ZPLD1: variants seen among roughly 807,000 people sequenced by gnomAD.
ZPLD1 encodes the protein zona pellucida like domain containing 1.
In ZPLD1, 34 loss-of-function variants were observed where a neutral mutation model predicts 47.2. That is an observed-to-expected ratio of 0.72 (90% CI 0.55 to 0.96). The LOEUF (loss-of-function observed/expected upper bound fraction) is 0.96. ZPLD1 is among the 40% of genes least tolerant of loss of function. The probability of loss-of-function intolerance (pLI) is 0.00; values close to 1 mark genes in which losing one functional copy is unlikely to be tolerated. For synonymous variants in ZPLD1, 176 were observed against 186.2 expected (o/e 0.95, Z 0.45); for missense variants, 512 against 505.8 (o/e 1.01, Z -0.12).
chr3:102,456,287 C>T lies in ZPLD1; in HGVS notation c.422C>T (p.Thr141Ile), dbSNP rs1313087936. The part of the protein sequence containing the change: ...SGYIDTPDPP[T>I]IISYLPGLLY... ...TATATTGATACTCCAGACCCACCAA[C>T]AATCATCAGCTATCTACCTGGGCTT... The change falls in exon 5 of 12, where the codon ACA (threonine) becomes ATA (isoleucine). Residue 141 changes from threonine to isoleucine, a missense_variant. Physicochemically the swap from Thr to Ile is moderately conservative, Grantham distance 89. Coordinates refer to ENST00000466937, the MANE Select transcript of ZPLD1 (RefSeq NM_001329788.2). The T allele has an allele frequency of 6.2e-7, 1 of 1,613,896 alleles. No homozygotes were observed. Among genetic ancestry groups the T allele is most frequent in the South Asian group, 1.1e-5 (1 of 91,080 alleles).
At chr3:102,416,254 G>T (rs2107302540) in intron 7 of ZPLD1, among the ~76,000 whole-genome samples, 1 of 151,862 alleles carries the variant, frequency 6.6e-6, no homozygotes, top group Non-Finnish European at 1.5e-5. Context: ...TATTTTCCTT[G>T]CTGAAAGCCT....
At position 102,419,904 on chromosome 3, in the gene ZPLD1, CT is replaced by C. The variant is rs1247043818; in HGVS notation, c.-9+1708del. Among the ~76,000 whole-genome samples the C allele has an allele frequency of 5.0e-4, 71 of 142,918 alleles. 1 individual carries two copies. The highest frequency in any genetic ancestry group is 8.5e-4 in the African/African-American group (33 of 39,016). The allele number at this position is 142,918 out of a possible 152,430, so 93.8% of individuals were successfully genotyped here. On this transcript the variant is annotated intron_variant, in intron 8 of 17. Coordinates refer to the ZPLD1 transcript ENST00000491959. ...TTTTGGTTAATTTACCAAATTTGTC[CT>C]TTTTTTTTTTCTGTATTTAAGCTGG...
At chr3:102,432,458 T>C (rs1371045404), upstream of ZPLD1, among the ~76,000 whole-genome samples, 2 of 152,220 alleles carry the variant, frequency 1.3e-5, no homozygotes, top group East Asian at 1.9e-4. Context: ...AGAGATGATA[T>C]TTAGTTTGAA....
chr3:102,473,633 C>T (rs1308588617), intron 10 of ZPLD1, among the ~76,000 whole-genome samples: 1 of 152,132 alleles, frequency 6.6e-6, no homozygotes, highest in African/African-American at 2.4e-5. Flanking sequence ...CTTCTTTGAT[C>T]ATCATGGTGG....
chr3:102,446,143 C>T (rs1707252531), intron 3 of ZPLD1, among the ~76,000 whole-genome samples: 1 of 152,072 alleles, frequency 6.6e-6, no homozygotes, highest in South Asian at 2.1e-4. Flanking sequence ...TAAATATTTG[C>T]TGAGTATTTG....
rs1707800238 is a variant in ZPLD1, at chr3:102,478,957, AC to A, written c.*1340del. The A allele has an allele frequency of 6.6e-6, 1 of 152,206 alleles. No individual in the cohort carries two copies. The highest frequency in any genetic ancestry group is 2.4e-5 in the African/African-American group (1 of 41,462). The allele number at this position is 152,206 out of a possible 1,614,324, so 9.4% of individuals were successfully genotyped here. The stretch of plus-strand genomic sequence containing the variant: ...TGACCCATTAGTCCGGACTTAATTT[AC>A]TATACTGCATGCAAATCATCAAGCA... On this transcript the variant is annotated 3_prime_UTR_variant, in exon 12 of 12. Coordinates refer to ENST00000466937, the MANE Select transcript of ZPLD1 (RefSeq NM_001329788.2).
At chr3:102,391,296 G>A (rs1183197830) in intron 6 of ZPLD1, among the ~76,000 whole-genome samples, 2 of 152,132 alleles carry the variant, frequency 1.3e-5, no homozygotes, top group Non-Finnish European at 2.9e-5. Flanking sequence ...CAGACTAAAA[G>A]CAAAGAGAGA....
chr3:102,386,287 CTT>C (rs1224691188), intron 6 of ZPLD1, among the ~76,000 whole-genome samples: 12 of 125,922 alleles, frequency 9.5e-5, no homozygotes, highest in East Asian at 2.3e-4. Context: ...TAAGTGGGGT[CTT>C]TTTTTTTTTT....
chr3:102,451,045 G>A (rs777809322), intron 3 of ZPLD1, among the ~76,000 whole-genome samples: 9 of 151,930 alleles, frequency 5.9e-5, no homozygotes, highest in South Asian at 4.1e-4. Context: ...ACACCTAGCC[G>A]TTTGCCTTTT....
At chr3:102,471,675 T>G (rs144407222) in intron 10 of ZPLD1, among the ~76,000 whole-genome samples, 2 of 152,218 alleles carry the variant, frequency 1.3e-5, no homozygotes, top group Non-Finnish European at 2.9e-5. Context: ...ACTCTGAAAC[T>G]AAGGCCGGAA....
At chr3:102,465,195 G>A (rs1374864839) in intron 8 of ZPLD1, among the ~76,000 whole-genome samples, 1 of 152,116 alleles carries the variant, frequency 6.6e-6, no homozygotes, top group Non-Finnish European at 1.5e-5. Flanking sequence ...AAATATTTAT[G>A]ACATTCTGGT....
At chr3:102,475,141 G>T (rs146134673) in intron 10 of ZPLD1, among the ~76,000 whole-genome samples, 1 of 152,008 alleles carries the variant, frequency 6.6e-6, no homozygotes, top group East Asian at 1.9e-4. Flanking sequence ...ACCTGCCAAA[G>T]GTAGTATGCT....
In ZPLD1 at chr3:102,469,040, C is replaced by G; in HGVS notation, c.838C>G (p.Arg280Gly). Residue 280 changes from arginine to glycine, a missense_variant, in exon 9 of 12, where the codon CGA (arginine) becomes GGA (glycine). Arg to Gly is a moderately radical substitution (Grantham distance 125). Transcript: ENST00000466937. ...QRGRFSFEVFRFVKHKNQKMS... is the reference protein window; with the variant it reads ...QRGRFSFEVFGFVKHKNQKMS... ...GGGCCGGTTTTCTTTTGAAGTGTTC[C>G]GATTTGTGAAACACAAGAATCAGAA... 3 of 1,614,118 alleles carry G rather than the reference C, an allele frequency of 1.9e-6. No individual in the cohort carries two copies. Among genetic ancestry groups the G allele is most frequent in the Middle Eastern group, 1.7e-4 (1 of 6,058 alleles).
At chr3:102,440,584 A>G (rs1329519335) in intron 3 of ZPLD1, among the ~76,000 whole-genome samples, 1 of 152,168 alleles carries the variant, frequency 6.6e-6, no homozygotes, top group African/African-American at 2.4e-5. Context: ...GTAGTAGGAA[A>G]TACAGAGCTG....
chr3:102,465,950 T>C (rs1707585125), intron 8 of ZPLD1, among the ~76,000 whole-genome samples: 1 of 151,958 alleles, frequency 6.6e-6, no homozygotes, highest in South Asian at 2.1e-4. Context: ...GCTGGAGAAA[T>C]ACACACCTAG....
chr3:102,414,696 C>T (rs1706784027), intron 7 of ZPLD1, among the ~76,000 whole-genome samples: 1 of 151,392 alleles, frequency 6.6e-6, no homozygotes, highest in South Asian at 2.1e-4. Context: ...CTGTATTCAC[C>T]ATTAATTCTT....
At position 102,438,477 on chromosome 3, in the gene ZPLD1, C is replaced by T. The variant is rs1239918809; in HGVS notation, c.-8-3C>T. The T allele has an allele frequency of 6.2e-7, 1 of 1,610,674 alleles. No individual in the cohort carries two copies. The highest frequency in any genetic ancestry group is 1.7e-5 in the Admixed American group (1 of 59,972). On this transcript the variant is annotated splice_polypyrimidine_tract_variant and splice_region_variant and intron_variant, in intron 2 of 11. Coordinates refer to ENST00000466937, the MANE Select transcript of ZPLD1 (RefSeq NM_001329788.2). ...GTCCACATGATAGATATCTCTTTTC[C>T]AGGTTTTGCAATGGAACAAATATGG...
intron 7 of ZPLD1, among the ~76,000 whole-genome samples, chr3:102,411,197 G>A (rs1706744576): frequency 6.6e-6 from 1 of 151,704 alleles, no homozygotes; most frequent in Non-Finnish European, 1.5e-5. Flanking sequence ...AAAGATGAGA[G>A]CTGGAGGCAA....
chr3:102,390,583 T>G (rs1046886621), intron 6 of ZPLD1, among the ~76,000 whole-genome samples: 2 of 152,210 alleles, frequency 1.3e-5, no homozygotes, highest in African/African-American at 4.8e-5. Context: ...ATTAAGCCTG[T>G]CAGTTCCTCT....
Sources: allele counts gnomAD v4.1 joint callset (sites outside exome capture counted in the v4.1 genomes callset), GRCh38; gene constraint gnomAD v4.1.1; transcripts MANE v1.5; gene names NCBI Gene and HGNC (gene_info 2026-07-23, HGNC 2026-07-21).